The following CTNNBL1 variants were observed in gnomAD, a reference collection of about 807,000 sequenced individuals.
CTNNBL1 encodes the protein catenin beta like 1, also known as beta-catenin-like protein 1.
Under a neutral mutation model 72.7 loss-of-function variants are expected in CTNNBL1, and 31 were observed. The ratio of observed to expected loss-of-function variants is 0.43; its 90% CI spans 0.32 to 0.58. CTNNBL1 has a LOEUF of 0.58. Ranked by LOEUF, CTNNBL1 falls within the 20% of genes least tolerant of loss-of-function variation. The probability of loss-of-function intolerance (pLI) is 0.08; values close to 1 mark genes in which losing one functional copy is unlikely to be tolerated. For missense variants in CTNNBL1, 534 were observed against 725.1 expected (o/e 0.74, Z 3.03); for synonymous variants, 240 against 267.3 (o/e 0.90, Z 1.00).
At position 37,694,036 on chromosome 20, in the gene CTNNBL1, T is replaced by C; in HGVS notation, c.-87T>C. 1.4e-6 allele frequency: 2 copies of C among 1,472,102 alleles called. No individual in the cohort carries two copies. The highest frequency in any genetic ancestry group is 1.9e-6 in the Non-Finnish European group (2 of 1,069,458). 91.2% of individuals were successfully genotyped at this position (1,472,102 alleles called of 1,614,324 possible). A position where few individuals can be genotyped will look rare whatever the true frequency, so the allele number is the denominator to read the frequency against. ...CTCTGCGGCTCCGCTCGCCGCACTTTACGGCAGTGTGGCTGGAGCCGCGGC... is the reference window on the plus strand; with the variant it reads ...CTCTGCGGCTCCGCTCGCCGCACTTCACGGCAGTGTGGCTGGAGCCGCGGC... On this transcript the variant is annotated 5_prime_UTR_variant, in exon 1 of 16. Coordinates refer to ENST00000361383, the MANE Select transcript of CTNNBL1 (RefSeq NM_030877.5).
chr20:37,829,354 A>T (rs936050345), intron 11 of CTNNBL1, among the ~76,000 whole-genome samples: 1 of 152,176 alleles, frequency 6.6e-6, no homozygotes, highest in Non-Finnish European at 1.5e-5. Context: ...TCCTAAGAAT[A>T]GAACTCTGGC....
chr20:37,789,061 G>T (rs911288094), intron 10 of CTNNBL1, among the ~76,000 whole-genome samples: 24 of 152,140 alleles, frequency 1.6e-4, no homozygotes, highest in Admixed American at 1.4e-3. Flanking sequence ...AGTGGAACTC[G>T]TGCTGTGAAG....
intron 7 of CTNNBL1, among the ~76,000 whole-genome samples, chr20:37,771,482 C>T (rs1342906117): frequency 2.6e-5 from 4 of 152,184 alleles, no homozygotes; most frequent in African/African-American, 9.7e-5. Context: ...ACATCAGATC[C>T]CACCTTCTCT....
At chr20:37,843,987 A>G (rs1159550170) in intron 13 of CTNNBL1, among the ~76,000 whole-genome samples, 2 of 152,040 alleles carry the variant, frequency 1.3e-5, no homozygotes, top group African/African-American at 2.4e-5. Context: ...ATTCACCCCA[A>G]CCCCTTTGTT....
At position 37,862,619 on chromosome 20, in the gene CTNNBL1, C is replaced by T. The variant is rs7271383; in HGVS notation, c.1603+2275C>T. Reference sequence around the variant, plus strand: ...ATTGTTGAGTGAGTGCCTGGGCAAGCGAGCAGGTGAGCGAACCAGTGAAGG... The same window carrying T: ...ATTGTTGAGTGAGTGCCTGGGCAAGTGAGCAGGTGAGCGAACCAGTGAAGG... On this transcript the variant is annotated intron_variant, in intron 15 of 15. Coordinates refer to ENST00000361383, the MANE Select transcript of CTNNBL1 (RefSeq NM_030877.5). 2.2e-3 allele frequency among the ~76,000 whole-genome samples: 337 copies of T among 152,268 alleles called. 3 individuals carry two copies. The highest frequency in any genetic ancestry group is 7.7e-3 in the African/African-American group (318 of 41,548).
Position 37,802,774 on chromosome 20 carries a change from G to A in CTNNBL1, c.1032-93G>A, listed in dbSNP as rs113088645. ...AAGTATGTAATATTTCCATTTAGAT[G>A]TATAATGTGTACGGCAGCAAATACC... On this transcript the variant is annotated intron_variant, in intron 10 of 15. Transcript: ENST00000361383. 9.0e-4 allele frequency: 876 copies of A among 976,196 alleles called. 5 individuals are homozygous for A. The African/African-American group carries it at 9.9e-3, about 11-fold the overall frequency. The allele number at this position is 976,196 out of a possible 1,614,324, so 60.5% of individuals were successfully genotyped here.
chr20:37,839,551 A>G (rs1332605013), intron 11 of CTNNBL1, among the ~76,000 whole-genome samples: 1 of 152,188 alleles, frequency 6.6e-6, no homozygotes, highest in Non-Finnish European at 1.5e-5. Context: ...AGCCCTGTTA[A>G]CTGTTTTGAA....
intron 5 of CTNNBL1, among the ~76,000 whole-genome samples, chr20:37,760,071 C>T (rs763566765): frequency 6.6e-6 from 1 of 152,142 alleles, no homozygotes; most frequent in Non-Finnish European, 1.5e-5. Context: ...CAGGGATCTT[C>T]GGGGTTTTAA....
intron 2 of CTNNBL1, 50 bp from the exon 3 acceptor site, chr20:37,737,328 A>G: frequency 7.8e-7 from 1 of 1,280,458 alleles, no homozygotes; most frequent in South Asian, 1.2e-5. Context: ...GTGACAATGA[A>G]TGTGAAACCC....
chr20:37,786,986 T>C (rs1600487343), intron 10 of CTNNBL1, among the ~76,000 whole-genome samples: 2 of 152,328 alleles, frequency 1.3e-5, no homozygotes, highest in East Asian at 3.9e-4. Flanking sequence ...TATAAAGTAC[T>C]ATAATTATAA....
At chr20:37,787,341 G>GTTT (rs2073684330) in intron 10 of CTNNBL1, among the ~76,000 whole-genome samples, 1 of 86,592 alleles carries the variant, frequency 1.2e-5, no homozygotes, top group African/African-American at 3.5e-5. Flanking sequence ...ACATAACTGT[G>GTTT]TGTTTTTTTT....
intron 15 of CTNNBL1, among the ~76,000 whole-genome samples, chr20:37,865,074 G>A (rs558584255): frequency 6.6e-6 from 1 of 152,280 alleles, no homozygotes; most frequent in South Asian, 2.1e-4. Context: ...TGTGCCAACT[G>A]CTGATTGGCC....
chr20:37,753,329 T>C (rs186125904), intron 4 of CTNNBL1, among the ~76,000 whole-genome samples: 2 of 152,314 alleles, frequency 1.3e-5, no homozygotes, highest in East Asian at 3.9e-4. Flanking sequence ...CACTGAAATA[T>C]GATAAGAAAC....
chr20:37,736,579 C>G (rs2073173414), intron 2 of CTNNBL1, among the ~76,000 whole-genome samples: 1 of 152,046 alleles, frequency 6.6e-6, no homozygotes, highest in Admixed American at 6.5e-5. Context: ...CTCCCTCTCT[C>G]ACCCAGGCCG....
chr20:37,854,745 C>T (rs1045945497), intron 13 of CTNNBL1, among the ~76,000 whole-genome samples: 26 of 151,936 alleles, frequency 1.7e-4, no homozygotes, highest in African/African-American at 5.8e-4. Flanking sequence ...TGCACCACCA[C>T]TCCTGGTTAA....
chr20:37,866,059 G>A (rs994153604), intron 15 of CTNNBL1, among the ~76,000 whole-genome samples: 2 of 152,218 alleles, frequency 1.3e-5, no homozygotes, highest in African/African-American at 4.8e-5. Flanking sequence ...TGGCATGTGC[G>A]TGGCTTGCGC....
At chr20:37,747,507 G>A (rs760180312) in intron 4 of CTNNBL1, among the ~76,000 whole-genome samples, 1 of 151,820 alleles carries the variant, frequency 6.6e-6, no homozygotes, top group Non-Finnish European at 1.5e-5. Flanking sequence ...TGTGAAAGAC[G>A]GTGCCCTTCC....
intron 1 of CTNNBL1, among the ~76,000 whole-genome samples, chr20:37,725,828 A>G (rs549562365): frequency 6.6e-6 from 1 of 151,888 alleles, no homozygotes; most frequent in South Asian, 2.1e-4. Flanking sequence ...TACCAGAAAT[A>G]AAAAAATGAG....
intron 1 of CTNNBL1, among the ~76,000 whole-genome samples, chr20:37,705,072 A>C (rs1167788869): frequency 6.6e-6 from 1 of 152,252 alleles, no homozygotes; most frequent in African/African-American, 2.4e-5. Flanking sequence ...GCTTGTCAGC[A>C]CTGTGGGAGA....
Sources: gnomAD v4.1 joint callset for allele counts (sites outside exome capture counted in the v4.1 genomes callset) on GRCh38, gnomAD v4.1.1 for gene constraint, MANE v1.5 for transcripts, NCBI Gene and HGNC (gene_info 2026-07-23, HGNC 2026-07-21) for gene names.